ELAVL2: variants seen among roughly 807,000 people sequenced by gnomAD.
ELAVL2 encodes ELAV-like protein 2.
ELAVL2 carries 4 observed loss-of-function variants against 34.6 expected under a neutral mutation model. The ratio of observed to expected loss-of-function variants is 0.12; its 90% CI spans 0.06 to 0.26. ELAVL2 has a LOEUF of 0.26. Among genes scored for constraint, ELAVL2 ranks in the 10% least tolerant of loss-of-function variants. ELAVL2 has a pLI of 1.00. For synonymous variants in ELAVL2, 193 were observed against 154.8 expected (o/e 1.25, Z -1.83); for missense variants, 432 against 442.8 (o/e 0.98, Z 0.22).
intron 3 of ELAVL2, among the ~76,000 whole-genome samples, chr9:23,714,668 A>G (rs2041852224): frequency 6.6e-6 from 1 of 152,214 alleles, no homozygotes; most frequent in African/African-American, 2.4e-5. Flanking sequence ...TTTTGGATAG[A>G]CAGTAGTAGA....
Position 23,692,460 on chromosome 9 carries a change from A to G in ELAVL2, c.*97T>C. 1.5e-6 allele frequency: 2 copies of G among 1,301,952 alleles called. No homozygotes were observed. Among genetic ancestry groups the G allele is most frequent in the South Asian group, 3.2e-5 (2 of 63,104 alleles). 80.6% of individuals were successfully genotyped at this position (1,301,952 alleles called of 1,614,324 possible). A position where few individuals can be genotyped will look rare whatever the true frequency, so the allele number is the denominator to read the frequency against. On this transcript the variant is annotated 3_prime_UTR_variant, in exon 7 of 7. Transcript: ENST00000397312. ...GTAGTCATTTTATCCCCATCTCAAC[A>G]CTGACTTACAAAGACATTTACTAAT...
chr9:23,733,173 A>T (rs1185558622), intron 2 of ELAVL2, among the ~76,000 whole-genome samples: 2 of 55,700 alleles, frequency 3.6e-5, no homozygotes, highest in African/African-American at 1.5e-4. Flanking sequence ...TAGAAAGCTT[A>T]AAAAAAAAAA....
chr9:23,769,052 T>C (rs1291416401), intron 1 of ELAVL2, among the ~76,000 whole-genome samples: 3 of 152,128 alleles, frequency 2.0e-5, no homozygotes, highest in African/African-American at 7.2e-5. Context: ...AAGCTTTGAA[T>C]ACCCTGAGTA....
intron 6 of ELAVL2, among the ~76,000 whole-genome samples, chr9:23,693,221 G>A (rs776112526): frequency 8.5e-5 from 13 of 152,278 alleles, no homozygotes; most frequent in South Asian, 2.1e-4. Flanking sequence ...CTGTAACGTC[G>A]TAACGCAATA....
chr9:23,772,534 C>CAAAAAAAAAAA (rs11450267), intron 1 of ELAVL2, among the ~76,000 whole-genome samples: 1 of 67,658 alleles, frequency 1.5e-5, no homozygotes, highest in Non-Finnish European at 3.0e-5. Flanking sequence ...CAGCTTACAC[C>CAAAAAAAAAAA]AAAAAAAAAA....
chr9:23,815,271 G>A (rs992561888), intron 1 of ELAVL2, among the ~76,000 whole-genome samples: 1 of 152,040 alleles, frequency 6.6e-6, no homozygotes, highest in African/African-American at 2.4e-5. Context: ...TAAATTCTCA[G>A]TCTCATATGT....
chr9:23,798,779 T>C (rs972117041), intron 1 of ELAVL2, among the ~76,000 whole-genome samples: 3 of 152,204 alleles, frequency 2.0e-5, no homozygotes, highest in African/African-American at 7.2e-5. Context: ...CCTTGTCCAT[T>C]TTTCCCTTCT....
chr9:23,829,135 G>C (rs1429463769), upstream of ELAVL2, among the ~76,000 whole-genome samples: 1 of 152,170 alleles, frequency 6.6e-6, no homozygotes, highest in African/African-American at 2.4e-5. Context: ...TATCTTCCAA[G>C]TTCCTGGCAT....
chr9:23,786,858 T>G (rs545637359), intron 1 of ELAVL2, among the ~76,000 whole-genome samples: 1 of 151,296 alleles, frequency 6.6e-6, no homozygotes, highest in African/African-American at 2.4e-5. Flanking sequence ...AATTTTAAAG[T>G]GACACCCACA....
chr9:23,840,522 T>A, the ELAVL2 span, among the ~76,000 whole-genome samples: 1 of 152,218 alleles, frequency 6.6e-6, no homozygotes, highest in Non-Finnish European at 1.5e-5. Flanking sequence ...TTTGGTTCCG[T>A]TATCTCTGCT....
chr9:23,820,637 A>G (rs1273384037), intron 1 of ELAVL2, among the ~76,000 whole-genome samples: 2 of 148,498 alleles, frequency 1.3e-5, no homozygotes, highest in East Asian at 4.0e-4. Context: ...AAATGCCGTG[A>G]GAAAGACTGC....
chr9:23,845,577 T>G, the ELAVL2 span, among the ~76,000 whole-genome samples: 3 of 151,684 alleles, frequency 2.0e-5, no homozygotes, highest in Non-Finnish European at 4.4e-5. Flanking sequence ...ATTCTCCCCT[T>G]AATAACCTGG....
intron 1 of ELAVL2, among the ~76,000 whole-genome samples, chr9:23,787,027 T>C (rs1588502859): frequency 6.6e-6 from 1 of 152,022 alleles, no homozygotes; most frequent in African/African-American, 2.4e-5. Context: ...GACCTGTAAA[T>C]AAATTTTAAT....
chr9:23,732,959 T>C (rs932426138), intron 2 of ELAVL2, among the ~76,000 whole-genome samples: 6 of 151,858 alleles, frequency 4.0e-5, no homozygotes, highest in African/African-American at 1.5e-4. Flanking sequence ...CATTTAAAGT[T>C]AAATAAAAAA....
intron 3 of ELAVL2, among the ~76,000 whole-genome samples, chr9:23,725,151 C>T (rs1411823513): frequency 1.3e-5 from 2 of 152,126 alleles, no homozygotes; most frequent in African/African-American, 4.8e-5. Context: ...AAACCTTCCT[C>T]TCCGAATAAA....
intron 2 of ELAVL2, among the ~76,000 whole-genome samples, chr9:23,744,918 C>CA (rs1458790138): frequency 2.6e-5 from 4 of 151,724 alleles, no homozygotes; most frequent in African/African-American, 7.2e-5. Context: ...ATAAACAAAC[C>CA]AAAAAAACAG....
At chr9:23,736,188 G>A (rs982099572) in intron 2 of ELAVL2, among the ~76,000 whole-genome samples, 6 of 152,018 alleles carry the variant, frequency 3.9e-5, no homozygotes, top group African/African-American at 9.7e-5. Flanking sequence ...ATAGACTACC[G>A]TAATTCTTGA....
At chr9:23,699,754 C>A (rs2036493997) in intron 5 of ELAVL2, among the ~76,000 whole-genome samples, 1 of 150,062 alleles carries the variant, frequency 6.7e-6, no homozygotes, top group Non-Finnish European at 1.5e-5. Context: ...CAGGCAGCCC[C>A]ACGCATCTCC....
At chr9:23,831,099 T>G (rs1371535350), upstream of ELAVL2, among the ~76,000 whole-genome samples, 1 of 152,260 alleles carries the variant, frequency 6.6e-6, no homozygotes, top group Non-Finnish European at 1.5e-5. Flanking sequence ...GTAATCAGTC[T>G]TTTCTCTGGC....
Sources: gnomAD v4.1 joint callset for allele counts (sites outside exome capture counted in the v4.1 genomes callset) on GRCh38, gnomAD v4.1.1 for gene constraint, MANE v1.5 for transcripts, NCBI Gene and HGNC (gene_info 2026-07-23, HGNC 2026-07-21) for gene names.